Variants in RHPN1 observed in about 807,000 individuals in gnomAD.
RHPN1 encodes rhophilin Rho GTPase binding protein 1.
A neutral mutation model predicts 74.7 loss-of-function variants in RHPN1; 77 were observed. The ratio of observed to expected loss-of-function variants is 1.03; its 90% CI spans 0.86 to 1.25. The LOEUF (loss-of-function observed/expected upper bound fraction) is 1.25, where lower values mean the gene tolerates loss of function less well. Ranked by LOEUF, RHPN1 falls within the 50% of genes most tolerant of loss-of-function variation. The probability of loss-of-function intolerance (pLI) is 0.00; values close to 1 mark genes in which losing one functional copy is unlikely to be tolerated. For missense variants in RHPN1, 987 were observed against 932.2 expected (o/e 1.06, Z -0.77); for synonymous variants, 444 against 414.5 (o/e 1.07, Z -0.87).
rs747867177 is a variant in RHPN1 at position 143,379,385 on chromosome 8, C to T, written c.822C>T (p.Cys274=). Residue 274 remains cysteine (C), a synonymous_variant, in exon 8 of 15, where the codon TGC becomes TGT. Coordinates refer to ENST00000289013, the MANE Select transcript of RHPN1 (RefSeq NM_052924.3). ...CAGACATGAGCGCTGCGTCCCTCTG[C>T]GCACTGGAGCAGCTCATGATGGCCC... The part of the protein sequence containing the change: ...PSPDMSAASL[C]ALEQLMMAQA... 2.5e-5 allele frequency: 40 copies of T among 1,598,570 alleles called. No individual in the cohort carries two copies. Among genetic ancestry groups the T allele is most frequent in the African/African-American group, 8.1e-5 (6 of 74,510 alleles).
Position 143,381,597 on chromosome 8 carries a change from A to C in RHPN1, c.1514A>C (p.Lys505Thr). 6.2e-7 allele frequency: 1 copy of C among 1,610,074 alleles called. No individual in the cohort carries two copies. The change falls in exon 13 of 15, where the codon AAG (lysine) becomes ACG (threonine). Residue 505 changes from lysine to threonine, a missense_variant. Physicochemically the swap from Lys to Thr is moderately conservative, Grantham distance 78. Coordinates refer to ENST00000289013, the MANE Select transcript of RHPN1 (RefSeq NM_052924.3). ...RLGPLSVFSA[K>T]NRWRLVGPVH... ...GGGCCCCTGTCTGTGTTCTCAGCCA[A>C]GAACCGGTGGCGGCTGGTGGGGCCC... is the stretch of plus-strand genomic sequence containing the variant.
Position 143,382,431 on chromosome 8 carries a change from TGCAGGGGGACC to T in RHPN1, c.1798-2_1806del, listed in dbSNP as rs1818804376. 6.4e-7 allele frequency: 1 copy of T among 1,555,072 alleles called. No individual in the cohort carries two copies. The highest frequency in any genetic ancestry group is 1.4e-5 in the African/African-American group (1 of 73,336). On this transcript the variant is annotated splice_acceptor_variant and splice_polypyrimidine_tract_variant and coding_sequence_variant and intron_variant, in exon 15 of 15. Coordinates refer to ENST00000289013, the MANE Select transcript of RHPN1 (RefSeq NM_052924.3). LOFTEE classifies it high-confidence loss of function. ...GACCACAGTCTGTCTCTGTCCCTGC[TGCAGGGGGACC>T]GCCGGCCCGTCCTGCTGGGCCCCAG...
intron 5 of RHPN1, 26 bp from the exon 6 acceptor site, chr8:143,378,669 TG>T: frequency 6.3e-7 from 1 of 1,587,584 alleles, no homozygotes; most frequent in Non-Finnish European, 8.6e-7. Flanking sequence ...GCCAGGGCGG[TG>T]GGGCCCAGTG....
chr8:143,365,465 C>G (rs1817544969), upstream of RHPN1, among the ~76,000 whole-genome samples: 2 of 152,222 alleles, frequency 1.3e-5, no homozygotes, highest in Admixed American at 1.3e-4. Context: ...CTTGACCGGG[C>G]TCTGCAGATG....
upstream of RHPN1, chr8:143,366,885 G>A (rs958723242): frequency 1.3e-5 from 2 of 152,186 alleles, no homozygotes; most frequent in Non-Finnish European, 2.9e-5. Context: ...AGAGGGTTTG[G>A]GTCTCTGCTG....
intron 14 of RHPN1, 141 bp downstream of exon 14, chr8:143,382,109 G>A (rs1160073269): frequency 1.2e-6 from 1 of 864,636 alleles, no homozygotes; most frequent in Non-Finnish European, 1.7e-6. Flanking sequence ...TCCTGGGCAG[G>A]GGCCACCTGT....
chr8:143,365,401 C>G (rs1817544417), upstream of RHPN1, among the ~76,000 whole-genome samples: 1 of 152,234 alleles, frequency 6.6e-6, no homozygotes, highest in Non-Finnish European at 1.5e-5. Context: ...ATTTCTCTAT[C>G]TAGACCCCCT....
At chr8:143,382,112 C>A (rs2129643427) in intron 14 of RHPN1, 144 bp downstream of exon 14, 1 of 847,652 alleles carries the variant, frequency 1.2e-6, no homozygotes, top group East Asian at 2.7e-5. Context: ...TGGGCAGGGG[C>A]CACCTGTGCT....
intron 1 of RHPN1, among the ~76,000 whole-genome samples, chr8:143,369,419 C>T (rs944125171): frequency 6.6e-6 from 1 of 152,230 alleles, no homozygotes; most frequent in Admixed American, 6.5e-5. Flanking sequence ...CTAGTTCGGT[C>T]CTCCCTCTGC....
Position 143,379,874 on chromosome 8 carries a change from C to A in RHPN1, c.991C>A (p.Pro331Thr). The change falls in exon 9 of 15, where the codon CCC (proline) becomes ACC (threonine). Residue 331 changes from proline to threonine, a missense_variant. Pro to Thr is a conservative substitution (Grantham distance 38). Transcript: ENST00000289013. ...RLVHRTMAQP[P>T]VHDYVPVSWT... is the part of the protein sequence containing the mutation. ...AGTGCACCGGACCATGGCCCAGCCA[C>A]CCGTCCACGACTACGTGCCTGTCTC... The A allele has an allele frequency of 6.2e-7, 1 of 1,610,998 alleles. No homozygotes were observed. Among genetic ancestry groups the A allele is most frequent in the South Asian group, 1.1e-5 (1 of 90,802 alleles).
At position 143,379,931 on chromosome 8, in the gene RHPN1, TA is replaced by T; in HGVS notation, c.1049del (p.Tyr350SerfsTer10). 6.3e-7 allele frequency: 1 copy of T among 1,592,130 alleles called. No individual in the cohort carries two copies. Among genetic ancestry groups the T allele is most frequent in the Non-Finnish European group, 8.5e-7 (1 of 1,170,220 alleles). On this transcript the variant is annotated frameshift_variant, in exon 9 of 15. Transcript: ENST00000289013. LOFTEE classifies it high-confidence loss of function. ...WTALVHVKAE[Y>X]FRSLAHYHVA... ...TGCCCTGGTGCATGTCAAGGCCGAGTACTTCCGCTCCCTGGCCCACTACCAC... is the reference window on the plus strand; with the variant it reads ...TGCCCTGGTGCATGTCAAGGCCGAGTCTTCCGCTCCCTGGCCCACTACCAC...
chr8:143,382,340 A>G (rs1423713240), intron 14 of RHPN1, 96 bp from the exon 15 acceptor site: 19 of 1,102,768 alleles, frequency 1.7e-5, no homozygotes, highest in Non-Finnish European at 2.5e-5. Flanking sequence ...CCGACGTGCC[A>G]GCCCCTCCCA....
chr8:143,379,007 T>C lies in RHPN1; in HGVS notation c.680T>C (p.Ile227Thr). ...LFNIGALHTQIGARQDRSCTE... is the reference protein window; with the variant it reads ...LFNIGALHTQTGARQDRSCTE... ...AACATCGGTGCCCTCCACACGCAGA[T>C]TGGGGCGCGCCAGGACCGCTCCTGC... The change falls in exon 7 of 15, where the codon ATT becomes ACT. Residue 227 changes from isoleucine (I) to threonine (T), a missense_variant. Coordinates refer to ENST00000289013, the MANE Select transcript of RHPN1 (RefSeq NM_052924.3). 1.9e-6 allele frequency: 3 copies of C among 1,550,488 alleles called. No homozygotes were observed. Among genetic ancestry groups the C allele is most frequent in the Non-Finnish European group, 2.6e-6 (3 of 1,147,346 alleles).
rs772022690 is a variant in RHPN1, at chr8:143,382,646, C to A, written c.2008C>A (p.Pro670Thr). ...CTCATCCTTGAAGCACCCAGGGTGG[C>A]CGTGAGGGCCAGGATCCCTGCACGC... ...PPSSLKHPGW[P>T] Residue 670 changes from proline (P) to threonine (T), a missense_variant, in exon 15 of 15, where the codon CCG (proline) becomes ACG (threonine). Transcript: ENST00000289013. 37 of 1,608,412 alleles carry A rather than the reference C, an allele frequency of 2.3e-5. No homozygotes were observed. In the East Asian group the frequency reaches 8.2e-4, roughly 36 times the overall value.
At position 143,372,357 on chromosome 8, in the gene RHPN1, C is replaced by T. The variant is rs1272793618; in HGVS notation, c.61-3196C>T. Among the ~76,000 whole-genome samples the T allele has an allele frequency of 3.3e-5, 5 of 152,100 alleles. No homozygotes were observed. In the South Asian group the frequency reaches 6.2e-4, roughly 19 times the overall value. On this transcript the variant is annotated intron_variant, in intron 1 of 14. Transcript: ENST00000289013. The stretch of plus-strand genomic sequence containing the variant: ...TTCAGGGAGCTTCTCAGATCTGAGG[C>T]GCCCATGCCCCTCTCCCACCTGTGG...
At chr8:143,365,165 C>T (rs1028522765), upstream of RHPN1, among the ~76,000 whole-genome samples, 2 of 151,970 alleles carry the variant, frequency 1.3e-5, no homozygotes, top group Non-Finnish European at 2.9e-5. Context: ...AAAAAAATAC[C>T]GATGCGCATA....
Position 143,379,983 on chromosome 8 carries a change from C to T in RHPN1, c.1100C>T (p.Ser367Phe). 1 of 1,559,324 alleles carries T rather than the reference C, an allele frequency of 6.4e-7. No individual in the cohort carries two copies. Among genetic ancestry groups the T allele is most frequent in the Non-Finnish European group, 8.7e-7 (1 of 1,152,724 alleles). The change falls in exon 9 of 15, where the codon TCC becomes TTC. Residue 367 changes from serine (S) to phenylalanine (F), a missense_variant and splice_region_variant. Ser to Phe is a radical substitution (Grantham distance 155, BLOSUM62 -2). Coordinates refer to ENST00000289013, the MANE Select transcript of RHPN1 (RefSeq NM_052924.3). ...GTAGCCATGGCCCTCTGCGACGGCTCCCGTGAGTGCCCACCACACTTGCCC... is the reference window on the plus strand; with the variant it reads ...GTAGCCATGGCCCTCTGCGACGGCTTCCGTGAGTGCCCACCACACTTGCCC... ...YHVAMALCDG[S>F]PATEGELPTH...
At chr8:143,366,353 CA>C (rs1347406880), upstream of RHPN1, among the ~76,000 whole-genome samples, 1 of 152,052 alleles carries the variant, frequency 6.6e-6, no homozygotes, top group Non-Finnish European at 1.5e-5. Context: ...GCACAATACA[CA>C]TGTAACAAAC....
upstream of RHPN1, chr8:143,366,616 C>T (rs528953724): frequency 3.3e-5 from 5 of 152,210 alleles, no homozygotes; most frequent in African/African-American, 1.2e-4. Flanking sequence ...AAGAGCAAGA[C>T]TCCATCTCAA....
Sources: gnomAD v4.1 joint callset for allele counts (sites outside exome capture counted in the v4.1 genomes callset) on GRCh38, gnomAD v4.1.1 for gene constraint, MANE v1.5 for transcripts, NCBI Gene and HGNC (gene_info 2026-07-23, HGNC 2026-07-21) for gene names.